PCDH7: variants seen among roughly 807,000 people sequenced by gnomAD.
PCDH7 encodes the protein protocadherin 7, also known as protocadherin-7.
In PCDH7, 17 loss-of-function variants were observed where a neutral mutation model predicts 58.9. That is an observed-to-expected ratio of 0.29 (90% confidence interval 0.20 to 0.43). The LOEUF is 0.43. Among genes scored for constraint, PCDH7 ranks in the 20% least tolerant of loss-of-function variants. The probability of loss-of-function intolerance (pLI) is 1.00; values close to 1 mark genes in which losing one functional copy is unlikely to be tolerated. For missense variants in PCDH7, 1,274 were observed against 1,441.0 expected (o/e 0.88, Z 1.88); for synonymous variants, 664 against 616.4 (o/e 1.08, Z -1.14).
chr4:30,881,826 G>C (rs939391002), intron 1 of PCDH7, among the ~76,000 whole-genome samples: 1 of 152,110 alleles, frequency 6.6e-6, no homozygotes, highest in East Asian at 1.9e-4. Context: ...TCCTTGAATT[G>C]ATGGGTTTGG....
rs193002836 is a variant in PCDH7 at position 31,035,470 on chromosome 4, C to T, written c.*7+85255C>T. Among the ~76,000 whole-genome samples the T allele has an allele frequency of 4.6e-5, 7 of 152,058 alleles. No homozygotes were observed. The East Asian group carries it at 1.4e-3, about 30-fold the overall frequency. ...GGTTTCACCACGTTGGCCAGGCTGG[C>T]CTCAAATTCCTGACCTCAAGTGATT... On this transcript the variant is annotated intron_variant, in intron 3 of 3. Coordinates refer to the PCDH7 transcript ENST00000509759.
chr4:31,129,069 C>G (rs1413795821), intron 3 of PCDH7, among the ~76,000 whole-genome samples: 1 of 152,164 alleles, frequency 6.6e-6, no homozygotes, highest in East Asian at 1.9e-4. Flanking sequence ...ATCTGTCTCC[C>G]TGCTATATCC....
intron 1 of PCDH7, among the ~76,000 whole-genome samples, chr4:30,906,415 C>G (rs987079069): frequency 1.4e-4 from 21 of 152,106 alleles, no homozygotes; most frequent in Admixed American, 1.3e-3. Context: ...GTCCCCCAAA[C>G]CCCTAATTCA....
At chr4:30,954,499 C>T (rs944160645) in intron 3 of PCDH7, among the ~76,000 whole-genome samples, 17 of 152,034 alleles carry the variant, frequency 1.1e-4, no homozygotes, top group African/African-American at 3.4e-4. Flanking sequence ...GTTACCAAAG[C>T]GATACCCTTT....
intron 3 of PCDH7, among the ~76,000 whole-genome samples, chr4:31,117,087 C>G (rs571216676): frequency 6.6e-6 from 1 of 152,060 alleles, no homozygotes; most frequent in Non-Finnish European, 1.5e-5. Context: ...AGGCTTTTAC[C>G]ATGTTGGTCA....
At chr4:30,777,901 A>G (rs961183855) in intron 1 of PCDH7, among the ~76,000 whole-genome samples, 2 of 152,104 alleles carry the variant, frequency 1.3e-5, no homozygotes, top group Non-Finnish European at 2.9e-5. Context: ...TGTACATTTT[A>G]CTAAATTTTA....
At chr4:30,806,131 A>T (rs1385251870) in intron 1 of PCDH7, among the ~76,000 whole-genome samples, 2 of 152,106 alleles carry the variant, frequency 1.3e-5, no homozygotes, top group Middle Eastern at 3.2e-3. Context: ...ATGTCCTTTC[A>T]TTATTTAAAA....
intron 3 of PCDH7, among the ~76,000 whole-genome samples, chr4:31,107,715 T>C (rs1489950558): frequency 6.6e-6 from 1 of 152,092 alleles, no homozygotes; most frequent in Non-Finnish European, 1.5e-5. Context: ...CAGTTCTTAG[T>C]TGGGAGAAAT....
chr4:30,973,022 C>G (rs1387605900), intron 3 of PCDH7, among the ~76,000 whole-genome samples: 2 of 152,092 alleles, frequency 1.3e-5, no homozygotes, highest in Non-Finnish European at 2.9e-5. Context: ...AATACCTTTT[C>G]CAACCTTTCA....
intron 1 of PCDH7, among the ~76,000 whole-genome samples, chr4:30,855,566 G>A (rs1220294569): frequency 1.3e-5 from 2 of 152,106 alleles, no homozygotes; most frequent in African/African-American, 4.8e-5. Context: ...TCTGTAACCT[G>A]CTGCTACCAC....
intron 1 of PCDH7, among the ~76,000 whole-genome samples, chr4:30,911,106 A>G (rs771773619): frequency 6.6e-6 from 1 of 152,154 alleles, no homozygotes; most frequent in Non-Finnish European, 1.5e-5. Flanking sequence ...GGAGTTGAAC[A>G]ATGAAAACAC....
Position 30,722,186 on chromosome 4 carries a change from A to G in PCDH7, c.764A>G (p.Glu255Gly). 1 of 1,563,524 alleles carries G rather than the reference A, an allele frequency of 6.4e-7. No homozygotes were observed. The highest frequency in any genetic ancestry group is 1.2e-5 in the South Asian group (1 of 85,790). ...CAGGTGGCGGACACCCCGGACGGCG[A>G]GAAGCAGCCGCAGCTGATCGTGAAG... is the stretch of plus-strand genomic sequence containing the variant. The change falls in exon 1 of 2, where the codon GAG (glutamate) becomes GGG (glycine). Residue 255 changes from glutamate to glycine, a missense_variant. Physicochemically the swap from Glu to Gly is moderately conservative, Grantham distance 98 (BLOSUM62 -2). Around this residue, in one of 3 missense-constraint regions of PCDH7, gnomAD observed 331 missense variants for 303.2 expected, o/e 1.09. Transcript: ENST00000361762. The surrounding 1 kb of genome is among the most constrained non-coding windows in gnomAD (Gnocchi z 7.6).
chr4:30,796,232 T>A (rs1024330291), intron 1 of PCDH7, among the ~76,000 whole-genome samples: 1 of 152,228 alleles, frequency 6.6e-6, no homozygotes, highest in African/African-American at 2.4e-5. Flanking sequence ...ATTAACTGGT[T>A]TTTCAAAGAT....
At chr4:30,978,387 T>A (rs1057000243) in intron 3 of PCDH7, among the ~76,000 whole-genome samples, 4 of 152,344 alleles carry the variant, frequency 2.6e-5, no homozygotes, top group Non-Finnish European at 5.9e-5. Flanking sequence ...TTAAGAATTA[T>A]TTAAACCCTC....
chr4:30,934,282 T>C (rs1745053093), intron 2 of PCDH7, among the ~76,000 whole-genome samples: 1 of 151,914 alleles, frequency 6.6e-6, no homozygotes, highest in South Asian at 2.1e-4. Context: ...ATCAAATTAG[T>C]TCTGTCAATT....
chr4:30,896,974 G>T (rs1226209059), intron 1 of PCDH7, among the ~76,000 whole-genome samples: 1 of 135,112 alleles, frequency 7.4e-6, no homozygotes, highest in Non-Finnish European at 1.5e-5. Flanking sequence ...GCAGGATCTC[G>T]GCTCACTGCA....
chr4:31,006,152 T>G (rs954529389), intron 3 of PCDH7, among the ~76,000 whole-genome samples: 1 of 152,202 alleles, frequency 6.6e-6, no homozygotes, highest in Non-Finnish European at 1.5e-5. Flanking sequence ...TCAAATGTCA[T>G]TGATTGGTTA....
chr4:31,126,950 G>C (rs1359041721), intron 3 of PCDH7, among the ~76,000 whole-genome samples: 7 of 152,148 alleles, frequency 4.6e-5, no homozygotes, highest in Non-Finnish European at 7.3e-5. Context: ...AGTCTTCTTT[G>C]CCTAAGAACT....
At position 30,723,075 on chromosome 4, in the gene PCDH7, C is replaced by T; in HGVS notation, c.1653C>T (p.Gly551=). 2.5e-6 allele frequency: 4 copies of T among 1,613,816 alleles called. No individual in the cohort carries two copies. The highest frequency in any genetic ancestry group is 1.1e-5 in the South Asian group (1 of 91,080). Residue 551 remains glycine (G), a synonymous_variant, in exon 1 of 2, where the codon GGC becomes GGT. Transcript: ENST00000361762. This position sits in a 1 kb window ranked among gnomAD's most constrained non-coding sequence, Gnocchi z 4.6. ...ACTTCCCTGAGAACAACATCCCGGG[C>T]GAGAGGGTGGCCACGGTGCTGGCGA...
Sources: allele counts gnomAD v4.1 joint callset (sites outside exome capture counted in the v4.1 genomes callset), GRCh38; gene constraint gnomAD v4.1.1; regional missense constraint gnomAD v4.1.1; non-coding constraint Gnocchi (gnomAD v3.1); transcripts MANE v1.5; gene names NCBI Gene and HGNC (gene_info 2026-07-23, HGNC 2026-07-21).